The following GPD1L variants were observed in gnomAD, a reference collection of about 807,000 sequenced individuals.
GPD1L encodes glycerol-3-phosphate dehydrogenase 1-like protein.
In GPD1L, 17 loss-of-function variants were observed where a neutral mutation model predicts 32.9. The ratio of observed to expected loss-of-function variants is 0.52; its 90% confidence interval spans 0.35 to 0.78. The LOEUF (loss-of-function observed/expected upper bound fraction) is 0.78, where lower values mean the gene tolerates loss of function less well. Ranked by LOEUF, GPD1L falls within the 30% of genes least tolerant of loss-of-function variation. The pLI is 0.01. For synonymous variants in GPD1L, 187 were observed against 165.9 expected, an observed-to-expected ratio of 1.13 and a Z score of -0.98; for missense variants, 361 against 447.8, an observed-to-expected ratio of 0.81 and a Z score of 1.75.
chr3:32,159,437 C>G, intron 6 of GPD1L, 131 bp from the exon 7 acceptor site: 1 of 695,852 alleles, frequency 1.4e-6, no homozygotes, highest in Non-Finnish European at 2.4e-6. Context: ...TCGAGGCCAG[C>G]CTGCACAGCA....
intron 1 of GPD1L, among the ~76,000 whole-genome samples, chr3:32,110,074 C>T (rs1013636205): frequency 5.3e-5 from 8 of 152,216 alleles, no homozygotes; most frequent in African/African-American, 9.6e-5. Context: ...CCCGCCACCA[C>T]GCCCAGCTAA....
chr3:32,123,791 AAGATAGATAGATAGATAGAT>A (rs564716825), intron 1 of GPD1L, among the ~76,000 whole-genome samples: 2 of 126,890 alleles, frequency 1.6e-5, no homozygotes, highest in South Asian at 2.8e-4. Flanking sequence ...CAGGAATTGA[AAGATAGATAGATAGATAGAT>A]AGATAGATAG....
At chr3:32,147,719 G>C (rs72850665) in intron 5 of GPD1L, among the ~76,000 whole-genome samples, 9,398 of 152,276 alleles carry the variant, frequency 0.062, 563 homozygotes, top group African/African-American at 0.15. Context: ...TCAGAAATTT[G>C]AGCATCTAGG....
intron 1 of GPD1L, among the ~76,000 whole-genome samples, chr3:32,111,057 G>C (rs568026147): frequency 1.3e-5 from 2 of 152,272 alleles, no homozygotes; most frequent in Non-Finnish European, 2.9e-5. Flanking sequence ...GTACAGACAG[G>C]GTTTTGCCGT....
rs992835483 is a variant in GPD1L, at chr3:32,166,345, A to C, written c.*435A>C. The C allele has an allele frequency of 2.1e-5, 5 of 235,726 alleles. No individual in the cohort carries two copies. The highest frequency in any genetic ancestry group is 1.2e-4 in the African/African-American group (5 of 42,950). 14.6% of individuals were successfully genotyped at this position (235,726 alleles called of 1,614,324 possible). On this transcript the variant is annotated 3_prime_UTR_variant, in exon 8 of 8. Coordinates refer to ENST00000282541, the MANE Select transcript of GPD1L (RefSeq NM_015141.4). The stretch of plus-strand genomic sequence containing the variant: ...ATTAACATGGTAGAGTGGAGGAGTG[A>C]GTGTGTTCAAAGATCAACATATTTA...
chr3:32,132,042 A>G (rs1280196720), intron 2 of GPD1L, among the ~76,000 whole-genome samples: 2 of 152,212 alleles, frequency 1.3e-5, no homozygotes, highest in Non-Finnish European at 2.9e-5. Context: ...TCCTTTGTCC[A>G]TTTAAAAAAT....
rs1186927249 is a variant in GPD1L, at chr3:32,140,437, T to C, written c.505+71T>C. 5.9e-6 allele frequency: 9 copies of C among 1,518,566 alleles called. No homozygotes were observed. In the East Asian group the frequency reaches 1.1e-4, roughly 19 times the overall value. 94.1% of individuals were successfully genotyped at this position (1,518,566 alleles called of 1,614,324 possible). A position where few individuals can be genotyped will look rare whatever the true frequency, so the allele number is the denominator to read the frequency against. ...TTTGAACATGTACATATTCCATTTC[T>C]GATATTTTCTGTAATAGACTCTTCC... On this transcript the variant is annotated intron_variant, in intron 4 of 7. Transcript: ENST00000282541.
intron 1 of GPD1L, among the ~76,000 whole-genome samples, chr3:32,110,549 T>C (rs1009091947): frequency 6.6e-6 from 1 of 152,266 alleles, no homozygotes; most frequent in African/African-American, 2.4e-5. Flanking sequence ...GCAATACAGT[T>C]ATCAGAATAT....
intron 5 of GPD1L, among the ~76,000 whole-genome samples, chr3:32,158,039 C>T (rs990655990): frequency 6.6e-6 from 1 of 152,190 alleles, no homozygotes; most frequent in Non-Finnish European, 1.5e-5. Context: ...TCATACCCAA[C>T]AGGATTGCCT....
chr3:32,132,763 G>T (rs997727733), intron 2 of GPD1L, among the ~76,000 whole-genome samples: 2 of 152,178 alleles, frequency 1.3e-5, no homozygotes, highest in African/African-American at 4.8e-5. Flanking sequence ...TGGTTCAGGA[G>T]CCATGCTTTG....
intron 1 of GPD1L, among the ~76,000 whole-genome samples, chr3:32,115,106 C>T (rs1700308497): frequency 6.6e-6 from 1 of 152,236 alleles, no homozygotes; most frequent in South Asian, 2.1e-4. Context: ...TTATTTGGCC[C>T]TGCCCACAAC....
intron 1 of GPD1L, among the ~76,000 whole-genome samples, chr3:32,112,930 G>T (rs13061945): frequency 0.41 from 62,787 of 152,054 alleles, 14,723 homozygotes; most frequent in East Asian, 0.64. Context: ...TCAACAGTTA[G>T]TAGGTGGACT....
chr3:32,165,387 T>TTTGTGATGTGTAGACTGCCTCA (rs11276494), intron 7 of GPD1L, among the ~76,000 whole-genome samples: 2 of 151,950 alleles, frequency 1.3e-5, no homozygotes, highest in South Asian at 4.1e-4. Context: ...GCCTACATTA[T>TTTGTGATGTGTAGACTGCCTCA]TTGTTACCTT....
chr3:32,140,164 C>G, intron 3 of GPD1L, 64 bp from the exon 4 acceptor site: 1 of 1,550,932 alleles, frequency 6.4e-7, no homozygotes. Context: ...CATGGGACAT[C>G]TACTATCCCA....
At position 32,128,056 on chromosome 3, in the gene GPD1L, T is replaced by C. The variant is rs1268496638; in HGVS notation, c.48-20T>C. The C allele has an allele frequency of 1.3e-6, 2 of 1,582,662 alleles. No homozygotes were observed. Among genetic ancestry groups the C allele is most frequent in the Non-Finnish European group, 1.7e-6 (2 of 1,152,422 alleles). On this transcript the variant is annotated intron_variant, in intron 1 of 7. Transcript: ENST00000282541. ...GCCCAAGTGAGTTTATGTTTTTCTT[T>C]TCCACGATTTCTTTTGTAGGGGTTC...
At chr3:32,162,637 G>A (rs111619676) in intron 7 of GPD1L, among the ~76,000 whole-genome samples, 21,843 of 69,078 alleles carry the variant, frequency 0.32, 6,797 homozygotes, top group African/African-American at 0.57. Context: ...CACCCGCCTC[G>A]GCCTCCCAAA....
At chr3:32,116,797 A>T (rs897481086) in intron 1 of GPD1L, among the ~76,000 whole-genome samples, 3 of 152,220 alleles carry the variant, frequency 2.0e-5, no homozygotes, top group Non-Finnish European at 4.4e-5. Flanking sequence ...TGTTAGATTC[A>T]GTAGTAAGGA....
chr3:32,113,551 A>G (rs1289348775), intron 1 of GPD1L, among the ~76,000 whole-genome samples: 1 of 152,142 alleles, frequency 6.6e-6, no homozygotes, highest in African/African-American at 2.4e-5. Flanking sequence ...GTCAGGAACT[A>G]AGCTCACTGT....
intron 4 of GPD1L, among the ~76,000 whole-genome samples, chr3:32,142,516 A>G (rs6550097): frequency 0.024 from 3,672 of 152,322 alleles, 145 homozygotes; most frequent in African/African-American, 0.084. Context: ...ACATATATGA[A>G]TATGTCTTAT....
Sources: allele counts gnomAD v4.1 joint callset (sites outside exome capture counted in the v4.1 genomes callset), GRCh38; gene constraint gnomAD v4.1.1; transcripts MANE v1.5; gene names NCBI Gene and HGNC (gene_info 2026-07-23, HGNC 2026-07-21).